The following MAP2 variants were observed in gnomAD, a reference collection of about 807,000 sequenced individuals.
The protein encoded by MAP2 is microtubule associated protein 2.
A neutral mutation model predicts 137.6 loss-of-function variants in MAP2; 14 were observed. That is an observed-to-expected ratio of 0.10 (90% CI 0.07 to 0.16). The LOEUF (loss-of-function observed/expected upper bound fraction) is 0.16, where lower values mean the gene tolerates loss of function less well. Among genes scored for constraint, MAP2 ranks in the 10% least tolerant of loss-of-function variants. The probability of loss-of-function intolerance (pLI) is 1.00; values close to 1 mark genes in which losing one functional copy is unlikely to be tolerated. For missense variants in MAP2, 2,088 were observed against 2,191.5 expected (o/e 0.95, Z 0.94); for synonymous variants, 786 against 782.3 (o/e 1.00, Z -0.08).
Position 209,705,727 on chromosome 2 carries a change from A to G in MAP2, c.4732A>G (p.Arg1578Gly). Residue 1578 changes from arginine (R) to glycine (G), a missense_variant and splice_region_variant, in exon 12 of 16, where the codon AGG becomes GGG. Physicochemically the swap from Arg to Gly is moderately radical, Grantham distance 125. Coordinates refer to ENST00000682079, the MANE Select transcript of MAP2 (RefSeq NM_001375505.1). ...SISSSARRTT[R>G]SEPIRRAGKS... The stretch of plus-strand genomic sequence containing the variant: ...CTCTTCTTCAGCACGGCGGACCACC[A>G]GTAGGTTTATTTTGATTTGAATTCC... 9 of 1,611,404 alleles carry G rather than the reference A, an allele frequency of 5.6e-6. No homozygotes were observed. Among genetic ancestry groups the G allele is most frequent in the Non-Finnish European group, 6.8e-6 (8 of 1,178,544 alleles).
At chr2:209,567,434 G>A (rs752039258) in intron 2 of MAP2, among the ~76,000 whole-genome samples, 1 of 151,996 alleles carries the variant, frequency 6.6e-6, no homozygotes, top group Non-Finnish European at 1.5e-5. Flanking sequence ...TAATGGAAAA[G>A]TCAAAAAAAG....
At chr2:209,479,308 A>G (rs1708162100) in intron 1 of MAP2, among the ~76,000 whole-genome samples, 4 of 152,166 alleles carry the variant, frequency 2.6e-5, no homozygotes, top group Admixed American at 2.0e-4. Flanking sequence ...TGAAATTGGC[A>G]TAGGAACCTG....
At chr2:209,596,813 A>G (rs556710039) in intron 3 of MAP2, among the ~76,000 whole-genome samples, 2 of 152,320 alleles carry the variant, frequency 1.3e-5, no homozygotes, top group African/African-American at 4.8e-5. Flanking sequence ...TGTTGTTGCA[A>G]AAAGCTGGCA....
intron 5 of MAP2, among the ~76,000 whole-genome samples, chr2:209,662,344 C>G (rs1050195589): frequency 6.6e-6 from 1 of 152,096 alleles, no homozygotes; most frequent in African/African-American, 2.4e-5. Flanking sequence ...ACATCACAAG[C>G]GCAAAAAGTA....
intron 2 of MAP2, among the ~76,000 whole-genome samples, chr2:209,526,974 A>C (rs550762998): frequency 7.9e-5 from 12 of 152,256 alleles, no homozygotes; most frequent in African/African-American, 2.6e-4. Context: ...GATTTACTTA[A>C]TTAAACCAGG....
rs572587736 is a variant in MAP2 at position 209,573,380 on chromosome 2, G to A, written c.-171-6656G>A. Reference sequence around the variant, plus strand: ...ACGATCTCGGCTCACCACAACCTCCGCCTCCTGGGTTCAAGCAATTCTCCT... The same window carrying A: ...ACGATCTCGGCTCACCACAACCTCCACCTCCTGGGTTCAAGCAATTCTCCT... On this transcript the variant is annotated intron_variant, in intron 2 of 15. Transcript: ENST00000682079. Among the ~76,000 whole-genome samples the A allele has an allele frequency of 9.6e-3, 1,293 of 134,490 alleles. 17 individuals carry two copies. Among genetic ancestry groups the A allele is most frequent in the African/African-American group, 0.035 (1,240 of 35,372 alleles). The allele number at this position is 134,490 out of a possible 152,430, so 88.2% of individuals were successfully genotyped here.
chr2:209,610,764 C>T (rs1186980053), intron 3 of MAP2, among the ~76,000 whole-genome samples: 2 of 152,002 alleles, frequency 1.3e-5, no homozygotes, highest in African/African-American at 4.8e-5. Flanking sequence ...ATACAATAAA[C>T]ATGTTTTAGA....
At chr2:209,453,062 T>C (rs985589835) in intron 1 of MAP2, among the ~76,000 whole-genome samples, 1 of 152,198 alleles carries the variant, frequency 6.6e-6, no homozygotes, top group Non-Finnish European at 1.5e-5. Context: ...TTCTCCTGCA[T>C]GTCTATATTT....
At chr2:209,478,271 C>G (rs1026284957) in intron 1 of MAP2, among the ~76,000 whole-genome samples, 1 of 152,144 alleles carries the variant, frequency 6.6e-6, no homozygotes, top group African/African-American at 2.4e-5. Context: ...CATGCTATCT[C>G]CTGTGACCCT....
At chr2:209,572,921 T>A (rs959157860) in intron 2 of MAP2, among the ~76,000 whole-genome samples, 3 of 152,220 alleles carry the variant, frequency 2.0e-5, no homozygotes, top group Non-Finnish European at 4.4e-5. Flanking sequence ...CTTTATCACA[T>A]AAATCAGGGA....
intron 1 of MAP2, among the ~76,000 whole-genome samples, chr2:209,477,508 T>C (rs1033422541): frequency 3.9e-5 from 6 of 152,208 alleles, no homozygotes; most frequent in Admixed American, 2.0e-4. Flanking sequence ...CCTTTACAAT[T>C]GTCTTTAGTG....
intron 1 of MAP2, among the ~76,000 whole-genome samples, chr2:209,486,433 A>C (rs1489279695): frequency 1.3e-5 from 2 of 152,114 alleles, no homozygotes; most frequent in Non-Finnish European, 2.9e-5. Context: ...CATATTGGCC[A>C]GGATTGTCTT....
intron 14 of MAP2, among the ~76,000 whole-genome samples, chr2:209,729,214 A>G (rs2075219051): frequency 6.6e-6 from 1 of 152,220 alleles, no homozygotes; most frequent in African/African-American, 2.4e-5. Context: ...GGTCAGCGTC[A>G]TATTGGTCCT....
At chr2:209,604,004 G>A (rs550954578) in intron 3 of MAP2, among the ~76,000 whole-genome samples, 5 of 152,180 alleles carry the variant, frequency 3.3e-5, no homozygotes, top group Non-Finnish European at 7.4e-5. Flanking sequence ...TTGCTGACCC[G>A]CAGCAGGTCT....
In MAP2 at chr2:209,728,846, C is replaced by T. The variant is rs1276583220; in HGVS notation, c.5156-1004C>T. Among the ~76,000 whole-genome samples, 4 of 148,466 alleles carry T rather than the reference C, an allele frequency of 2.7e-5. No individual in the cohort carries two copies. The East Asian group carries it at 8.3e-4, about 31-fold the overall frequency. ...CATCACAATCAACAAGTGAGACCTA[C>T]GTTACCGCTTCTTTCCAGAAGAACG... On this transcript the variant is annotated intron_variant, in intron 14 of 15. Transcript: ENST00000682079.
At chr2:209,510,766 G>T (rs958056759) in intron 2 of MAP2, among the ~76,000 whole-genome samples, 5 of 152,036 alleles carry the variant, frequency 3.3e-5, no homozygotes, top group African/African-American at 1.2e-4. Flanking sequence ...GAATGACGAG[G>T]TAATGTTAAT....
chr2:209,575,239 AGGCCGGGTG>A (rs1319182258), intron 2 of MAP2, among the ~76,000 whole-genome samples: 1 of 152,052 alleles, frequency 6.6e-6, no homozygotes, highest in Non-Finnish European at 1.5e-5. Context: ...ATGGCAAGGA[AGGCCGGGTG>A]CGCTGGCTCA....
rs1416837546 is a variant in MAP2, at chr2:209,583,143, GTCTGTCTA to G, written c.-107+3047_-107+3054del. On this transcript the variant is annotated intron_variant, in intron 3 of 15. Transcript: ENST00000682079. ...TATCTATCTATCTATCCATCTGTCTGTCTGTCTATCTATCTATCTATCTATCTATCTAT... is the reference window on the plus strand; with the variant it reads ...TATCTATCTATCTATCCATCTGTCTGTCTATCTATCTATCTATCTATCTAT... Among the ~76,000 whole-genome samples the G allele has an allele frequency of 2.3e-3, 221 of 94,082 alleles. 1 individual carries two copies. Among genetic ancestry groups the G allele is most frequent in the African/African-American group, 6.5e-3 (156 of 23,846 alleles). 61.7% of individuals were successfully genotyped at this position (94,082 alleles called of 152,430 possible).
chr2:209,521,854 TA>T (rs2063331566), intron 2 of MAP2, among the ~76,000 whole-genome samples: 1 of 152,150 alleles, frequency 6.6e-6, no homozygotes, highest in Non-Finnish European at 1.5e-5. Context: ...CCTATGGTAT[TA>T]TTTTTTCAAT....
Sources: gnomAD v4.1 joint callset for allele counts (sites outside exome capture counted in the v4.1 genomes callset) on GRCh38, gnomAD v4.1.1 for gene constraint, MANE v1.5 for transcripts, NCBI Gene and HGNC (gene_info 2026-07-23, HGNC 2026-07-21) for gene names.